TES: variants seen among roughly 807,000 people sequenced by gnomAD.
TES encodes testin LIM domain protein, also known as testin.
In TES, 41 loss-of-function variants were observed where a neutral mutation model predicts 48.2. The ratio of observed to expected loss-of-function variants is 0.85; its 90% CI spans 0.66 to 1.10. The LOEUF is 1.10. TES is among the 50% of genes least tolerant of loss of function. TES has a pLI of 0.00. For missense variants in TES, 463 were observed against 515.1 expected (o/e 0.90, Z 0.98); for synonymous variants, 162 against 174.9 (o/e 0.93, Z 0.58).
At chr7:116,214,136 C>T (rs927455967) in intron 1 of TES, among the ~76,000 whole-genome samples, 3 of 151,946 alleles carry the variant, frequency 2.0e-5, no homozygotes, top group African/African-American at 7.3e-5. Context: ...GCATACTTTT[C>T]TTAAGACTCT....
At chr7:116,234,393 G>C in intron 1 of TES, 141 bp from the exon 2 acceptor site, 1 of 663,428 alleles carries the variant, frequency 1.5e-6, no homozygotes, top group Non-Finnish European at 2.6e-6. Flanking sequence ...TACATACCTG[G>C]GTATCATCAT....
intron 1 of TES, chr7:116,211,511 TG>T (rs1230998373): frequency 6.6e-6 from 1 of 152,212 alleles, no homozygotes; most frequent in East Asian, 1.9e-4. Flanking sequence ...TGGTGTCGCC[TG>T]GGAGAAAAGG....
At chr7:116,254,623 CT>C (rs1377388398) in intron 6 of TES, among the ~76,000 whole-genome samples, 1 of 151,936 alleles carries the variant, frequency 6.6e-6, no homozygotes, top group African/African-American at 2.4e-5. Flanking sequence ...GTAATTCCAG[CT>C]ACTTGGGAGG....
chr7:116,210,807 G>A lies in TES; in HGVS notation c.27+73G>A, dbSNP rs1799427249. 4.1e-6 allele frequency: 5 copies of A among 1,209,374 alleles called. No individual in the cohort carries two copies. In the African/African-American group the frequency reaches 6.3e-5, roughly 15 times the overall value. 74.9% of individuals were successfully genotyped at this position (1,209,374 alleles called of 1,614,324 possible). On this transcript the variant is annotated intron_variant, in intron 1 of 6. Transcript: ENST00000358204. ...CGCGCGGCGCGCGGCGGCCGGAGGT[G>A]CCGAGGTGGGTGGGGCTCGCGGGCC...
At chr7:116,217,734 G>A (rs752494241) in intron 1 of TES, 3 of 512,976 alleles carry the variant, frequency 5.8e-6, no homozygotes, top group Non-Finnish European at 1.2e-5. Context: ...AAATATCCAT[G>A]TTTAAAATTT....
In TES at chr7:116,257,786, C is replaced by A. The variant is rs1800124549; in HGVS notation, c.*304C>A. The A allele has an allele frequency of 5.2e-6, 1 of 190,586 alleles. No individual in the cohort carries two copies. The highest frequency in any genetic ancestry group is 1.1e-5 in the Non-Finnish European group (1 of 93,132). 11.8% of individuals were successfully genotyped at this position (190,586 alleles called of 1,614,324 possible). A position where few individuals can be genotyped will look rare whatever the true frequency, so the allele number is the denominator to read the frequency against. ...ACTTCATGTCTCTATTCCATTTGTG[C>A]CACACACTTAAAAGTTAGTGTACTG... On this transcript the variant is annotated 3_prime_UTR_variant, in exon 7 of 7. Coordinates refer to ENST00000358204, the MANE Select transcript of TES (RefSeq NM_015641.4).
At chr7:116,234,967 C>CGAA (rs1799749611) in intron 2 of TES, among the ~76,000 whole-genome samples, 2 of 151,826 alleles carry the variant, frequency 1.3e-5, no homozygotes, top group South Asian at 4.1e-4. Context: ...TTTTTTGAGA[C>CGAA]GAAGTCTCAT....
intron 1 of TES, among the ~76,000 whole-genome samples, chr7:116,224,447 C>G (rs1049567339): frequency 6.6e-6 from 1 of 152,148 alleles, no homozygotes; most frequent in Non-Finnish European, 1.5e-5. Flanking sequence ...TATAATATAG[C>G]AGATAATTTT....
rs996856380 is a variant in TES at position 116,218,707 on chromosome 7, A to T, written c.27+7973A>T. On this transcript the variant is annotated intron_variant, in intron 1 of 6. Transcript: ENST00000358204. ...TGTCACCTTTGATAGATTTTTTTTT[A>T]AAAAAGGAAGGAAGATGAGTGAGCA... Among the ~76,000 whole-genome samples, 10 of 152,098 alleles carry T rather than the reference A, an allele frequency of 6.6e-5. No individual in the cohort carries two copies. In the South Asian group the frequency reaches 1.2e-3, roughly 19 times the overall value.
chr7:116,239,332 A>G (rs1317973146), intron 2 of TES: 1 of 152,228 alleles, frequency 6.6e-6, no homozygotes, highest in African/African-American at 2.4e-5. Flanking sequence ...CATTTGCCAT[A>G]TAAAAGTAAC....
At chr7:116,226,891 T>C (rs1376232419) in intron 1 of TES, among the ~76,000 whole-genome samples, 2 of 152,148 alleles carry the variant, frequency 1.3e-5, no homozygotes, top group African/African-American at 4.8e-5. Context: ...ATTTCAGCCT[T>C]GAGTAAGTGA....
chr7:116,227,474 A>G (rs889950137), intron 1 of TES, among the ~76,000 whole-genome samples: 3 of 152,156 alleles, frequency 2.0e-5, no homozygotes, highest in Admixed American at 6.5e-5. Flanking sequence ...GAAACAGGCA[A>G]TGAACTAAAA....
At chr7:116,239,556 C>G (rs983267107) in intron 2 of TES, among the ~76,000 whole-genome samples, 1 of 152,190 alleles carries the variant, frequency 6.6e-6, no homozygotes, top group African/African-American at 2.4e-5. Flanking sequence ...TTTCCAAAAC[C>G]TTTCTCCATG....
In TES at chr7:116,218,958, A is replaced by G. The variant is rs527408691; in HGVS notation, c.27+8224A>G. 2.6e-5 allele frequency among the ~76,000 whole-genome samples: 4 copies of G among 152,280 alleles called. No individual in the cohort carries two copies. The East Asian group carries it at 5.8e-4, about 22-fold the overall frequency. ...TTACTTTAAGTATATAGTAGTTCCTAATTGCCTACTGTCAGTTTCTCTGCC... is the reference window on the plus strand; with the variant it reads ...TTACTTTAAGTATATAGTAGTTCCTGATTGCCTACTGTCAGTTTCTCTGCC... On this transcript the variant is annotated intron_variant, in intron 1 of 6. Transcript: ENST00000358204.
chr7:116,223,835 C>T (rs977567730), intron 1 of TES, among the ~76,000 whole-genome samples: 7 of 152,128 alleles, frequency 4.6e-5, no homozygotes, highest in African/African-American at 9.7e-5. Flanking sequence ...ATGTCTGTCT[C>T]GTCACAAATC....
intron 1 of TES, among the ~76,000 whole-genome samples, chr7:116,228,584 G>A (rs985793529): frequency 1.3e-5 from 2 of 152,124 alleles, no homozygotes; most frequent in Non-Finnish European, 2.9e-5. Context: ...CGTGCAACAG[G>A]ACTGAGTTTT....
intron 1 of TES, among the ~76,000 whole-genome samples, chr7:116,216,531 A>G (rs749098893): frequency 6.6e-6 from 1 of 151,834 alleles, no homozygotes; most frequent in Non-Finnish European, 1.5e-5. Flanking sequence ...GTGGGAAATA[A>G]TATCAGTAGT....
chr7:116,222,624 G>C (rs1216449126), intron 1 of TES, among the ~76,000 whole-genome samples: 1 of 152,084 alleles, frequency 6.6e-6, no homozygotes, highest in African/African-American at 2.4e-5. Context: ...TCAAGTTTGG[G>C]GATAAAGAGC....
At chr7:116,227,530 G>A (rs980195873) in intron 1 of TES, among the ~76,000 whole-genome samples, 3 of 152,082 alleles carry the variant, frequency 2.0e-5, no homozygotes, top group Non-Finnish European at 4.4e-5. Context: ...AAAATATATT[G>A]ATTGGGTGGG....
Sources: allele counts gnomAD v4.1 joint callset (sites outside exome capture counted in the v4.1 genomes callset), GRCh38; gene constraint gnomAD v4.1.1; transcripts MANE v1.5; gene names NCBI Gene and HGNC (gene_info 2026-07-23, HGNC 2026-07-21).